COL5A2: variants seen among roughly 807,000 people sequenced by gnomAD.
COL5A2 encodes collagen alpha-2(V) chain.
A neutral mutation model predicts 208.2 loss-of-function variants in COL5A2; 23 were observed. The observed-to-expected ratio is 0.11, with a 90% CI of 0.08 to 0.16. The LOEUF (loss-of-function observed/expected upper bound fraction) is 0.16. COL5A2 is among the 10% of genes least tolerant of loss of function. The pLI, the probability that COL5A2 is intolerant of heterozygous loss-of-function variation, is 1.00. For missense variants in COL5A2, 1,590 were observed against 1,956.4 expected (o/e 0.81, Z 3.53); for synonymous variants, 625 against 628.5 (o/e 0.99, Z 0.08).
At chr2:189,414,776 A>AAAG in the COL5A2 span, among the ~76,000 whole-genome samples, 66 of 133,184 alleles carry the variant, frequency 5.0e-4, 1 homozygote, top group Admixed American at 8.4e-4. Flanking sequence ...AAAAAAAAAA[A>AAAG]GAATGTTTCC....
the COL5A2 span, among the ~76,000 whole-genome samples, chr2:189,301,713 C>A: frequency 1.3e-5 from 2 of 152,032 alleles, no homozygotes; most frequent in Admixed American, 1.3e-4. Context: ...GGATAAAATG[C>A]CTTGAATGCA....
chr2:189,300,627 AGAG>A, the COL5A2 span, among the ~76,000 whole-genome samples: 2 of 152,236 alleles, frequency 1.3e-5, no homozygotes, highest in Non-Finnish European at 2.9e-5. Context: ...AGCTACAGCC[AGAG>A]GCGGGACAGC....
intron 1 of COL5A2, among the ~76,000 whole-genome samples, chr2:189,220,337 A>G (rs756977077): frequency 6.6e-5 from 10 of 152,192 alleles, no homozygotes; most frequent in Admixed American, 1.3e-4. Flanking sequence ...TTTACCAGAA[A>G]GTCTGTCATT....
chr2:189,236,017 A>G, the COL5A2 span, among the ~76,000 whole-genome samples: 3 of 150,964 alleles, frequency 2.0e-5, no homozygotes, highest in Admixed American at 2.0e-4. Flanking sequence ...AAAAAAAAAC[A>G]CCTGAACACC....
intron 1 of COL5A2, among the ~76,000 whole-genome samples, chr2:189,130,927 T>C (rs1005550394): frequency 2.0e-5 from 3 of 152,046 alleles, no homozygotes; most frequent in Admixed American, 2.0e-4. Context: ...CAGAAAAGAT[T>C]TAGTCCTTAA....
intron 13 of COL5A2, among the ~76,000 whole-genome samples, chr2:189,080,495 ATAGT>A (rs1217201727): frequency 3.4e-5 from 5 of 148,996 alleles, no homozygotes; most frequent in African/African-American, 1.2e-4. Context: ...TGATATTATG[ATAGT>A]TAGATAGATG....
intron 1 of COL5A2, among the ~76,000 whole-genome samples, chr2:189,141,645 A>G (rs541052681): frequency 6.6e-6 from 1 of 152,310 alleles, no homozygotes; most frequent in South Asian, 2.1e-4. Flanking sequence ...TAGCACGCTC[A>G]TTTCCCAACT....
the COL5A2 span, among the ~76,000 whole-genome samples, chr2:189,300,902 T>A: frequency 6.6e-6 from 1 of 152,160 alleles, no homozygotes; most frequent in Non-Finnish European, 1.5e-5. Flanking sequence ...AGAAAGATGA[T>A]CTGGCTGGGC....
the COL5A2 span, among the ~76,000 whole-genome samples, chr2:189,427,184 G>C: frequency 6.6e-6 from 1 of 152,210 alleles, no homozygotes; most frequent in Non-Finnish European, 1.5e-5. Context: ...TCAGGAAACT[G>C]TTCCCTACAT....
At chr2:189,369,836 A>G in the COL5A2 span, among the ~76,000 whole-genome samples, 1 of 152,190 alleles carries the variant, frequency 6.6e-6, no homozygotes, top group South Asian at 2.1e-4. Context: ...TTCCGATTGC[A>G]TGATGAGGTC....
chr2:189,097,246 T>C, intron 6 of COL5A2, 31 bp downstream of exon 6: 3 of 1,610,972 alleles, frequency 1.9e-6, no homozygotes, highest in Non-Finnish European at 1.7e-6. Context: ...TGGCTGTACG[T>C]TCCCCACAAG....
chr2:189,437,482 C>A, the COL5A2 span, among the ~76,000 whole-genome samples: 1 of 152,138 alleles, frequency 6.6e-6, no homozygotes, highest in Non-Finnish European at 1.5e-5. Flanking sequence ...TCTAAAATTT[C>A]GCTTTAGCCA....
intron 6 of COL5A2, among the ~76,000 whole-genome samples, chr2:189,094,640 C>T (rs1048857654): frequency 1.5e-4 from 14 of 95,998 alleles, no homozygotes; most frequent in African/African-American, 1.0e-4. Flanking sequence ...CACACACACA[C>T]ACACACATAA....
At chr2:189,166,050 A>AT (rs35190700) in intron 1 of COL5A2, among the ~76,000 whole-genome samples, 88,884 of 152,014 alleles carry the variant, frequency 0.58, 27,383 homozygotes, top group East Asian at 0.72. Context: ...ACTTTTCCAA[A>AT]TTTTTTGAAA....
At chr2:189,108,010 A>G (rs2105706922) in intron 2 of COL5A2, among the ~76,000 whole-genome samples, 1 of 151,622 alleles carries the variant, frequency 6.6e-6, no homozygotes, top group Non-Finnish European at 1.5e-5. Context: ...TGTTCATGTG[A>G]TTTGTCAGGT....
intron 15 of COL5A2, 101 bp downstream of exon 15, chr2:189,078,962 C>T: frequency 2.1e-6 from 2 of 936,008 alleles, no homozygotes; most frequent in South Asian, 2.8e-5. Context: ...CATATGTTGT[C>T]CATTTATTTT....
At chr2:189,053,601 T>C in intron 37 of COL5A2, 124 bp from the exon 38 acceptor site, 3 of 920,864 alleles carry the variant, frequency 3.3e-6, no homozygotes, top group Non-Finnish European at 5.2e-6. Flanking sequence ...CACATATTGC[T>C]TAAGGAAGGT....
the COL5A2 span, among the ~76,000 whole-genome samples, chr2:189,388,564 A>G: frequency 6.6e-6 from 1 of 152,192 alleles, no homozygotes; most frequent in Non-Finnish European, 1.5e-5. Context: ...ACTACAGTAA[A>G]CAGGCATTAC....
intron 2 of COL5A2, among the ~76,000 whole-genome samples, chr2:189,105,702 T>A (rs1687135758): frequency 6.6e-6 from 1 of 151,528 alleles, no homozygotes; most frequent in African/African-American, 2.4e-5. Flanking sequence ...TTCTGGGCTT[T>A]GAGTCAGAAT....
Sources: gnomAD v4.1 joint callset for allele counts (sites outside exome capture counted in the v4.1 genomes callset) on GRCh38, gnomAD v4.1.1 for gene constraint, MANE v1.5 for transcripts, NCBI Gene and HGNC (gene_info 2026-07-23, HGNC 2026-07-21) for gene names.